The following FAT4 variants were observed in gnomAD, a reference collection of about 807,000 sequenced individuals.
The protein encoded by FAT4 is protocadherin Fat 4.
Under a neutral mutation model 303.9 loss-of-function variants are expected in FAT4, and 84 were observed. The ratio of observed to expected loss-of-function variants is 0.28; its 90% confidence interval spans 0.23 to 0.33. The LOEUF is 0.33. Ranked by LOEUF, FAT4 falls within the 10% of genes least tolerant of loss-of-function variation. FAT4 has a pLI of 1.00. For synonymous variants in FAT4, 2,307 were observed against 2,298.8 expected (o/e 1.00, Z -0.10); for missense variants, 6,005 against 6,146.8 (o/e 0.98, Z 0.77).
At position 125,378,583 on chromosome 4, in the gene FAT4, C is replaced by T. The variant is rs893395880; in HGVS notation, c.5176-20201C>T. ...ATCTCAAATTATATCCCAAAATGGA[C>T]AATTATTACTTGTACTATATTTTCT... On this transcript the variant is annotated intron_variant, in intron 2 of 17. Transcript: ENST00000394329. Among the ~76,000 whole-genome samples, 6 of 151,984 alleles carry T rather than the reference C, an allele frequency of 3.9e-5. No individual in the cohort carries two copies. In the South Asian group the frequency reaches 1.2e-3, roughly 32 times the overall value.
intron 17 of FAT4, among the ~76,000 whole-genome samples, chr4:125,488,625 G>A (rs1267633924): frequency 2.0e-5 from 3 of 152,210 alleles, no homozygotes; most frequent in Non-Finnish European, 2.9e-5. Flanking sequence ...AGGTCAGCAA[G>A]AGAGGAAACT....
chr4:125,479,569 G>C (rs1428892296), intron 14 of FAT4, among the ~76,000 whole-genome samples, 172 bp from the exon 15 acceptor site: 1 of 152,094 alleles, frequency 6.6e-6, no homozygotes, highest in African/African-American at 2.4e-5. Context: ...GGCAGACTAT[G>C]TTTTCTAGGA....
At position 125,319,997 on chromosome 4, in the gene FAT4, G is replaced by C; in HGVS notation, c.3586G>C (p.Val1196Leu). ...TCAGCCTCTCAAGGATCAGGCCACT[G>C]TACATGTTTACATGAAGGATATAAA... ...IPQPLKDQAT[V>L]HVYMKDINDN... is the part of the protein sequence containing the mutation. Residue 1196 changes from valine to leucine, a missense_variant, in exon 2 of 18, where the codon GTA (valine) becomes CTA (leucine). Transcript: ENST00000394329. 5 of 1,612,942 alleles carry C rather than the reference G, an allele frequency of 3.1e-6. No homozygotes were observed. The highest frequency in any genetic ancestry group is 4.2e-6 in the Non-Finnish European group (5 of 1,180,024).
At chr4:125,363,506 TA>T (rs1474848235) in intron 2 of FAT4, among the ~76,000 whole-genome samples, 10 of 151,940 alleles carry the variant, frequency 6.6e-5, no homozygotes, top group Non-Finnish European at 1.3e-4. Flanking sequence ...TTTATATATA[TA>T]TTTTTTTGAG....
At position 125,481,471 on chromosome 4, in the gene FAT4, G is replaced by A. The variant is rs13132168; in HGVS notation, c.12605-50G>A. 4.5e-6 allele frequency: 7 copies of A among 1,541,166 alleles called. No individual in the cohort carries two copies. The South Asian group carries it at 5.6e-5, about 12-fold the overall frequency. ...TTTGTCACTATAGAAAACACTCCAAGAAATGCCAAATGAATGCATTCATTT... is the reference window on the plus strand; with the variant it reads ...TTTGTCACTATAGAAAACACTCCAAAAAATGCCAAATGAATGCATTCATTT... On this transcript the variant is annotated intron_variant, in intron 15 of 17. Transcript: ENST00000394329.
At chr4:125,394,917 G>C (rs1240397936) in intron 2 of FAT4, among the ~76,000 whole-genome samples, 1 of 152,116 alleles carries the variant, frequency 6.6e-6, no homozygotes, top group African/African-American at 2.4e-5. Flanking sequence ...TTCTACAAGG[G>C]ATGCTGACTT....
At position 125,393,908 on chromosome 4, in the gene FAT4, A is replaced by T. The variant is rs28698823; in HGVS notation, c.5176-4876A>T. 9,778 of 779,188 alleles carry T rather than the reference A, an allele frequency of 0.013. 577 individuals carry two copies. In the African/African-American group the frequency reaches 0.13, roughly 10 times the overall value. The allele number at this position is 779,188 out of a possible 1,614,324, so 48.3% of individuals were successfully genotyped here. A position where few individuals can be genotyped will look rare whatever the true frequency, so the allele number is the denominator to read the frequency against. ...GCTCAGGGCTCAGGTGACTCAGTCAAGAAAGTCATTCTTGTGAAGCTACCT... is the reference window on the plus strand; with the variant it reads ...GCTCAGGGCTCAGGTGACTCAGTCATGAAAGTCATTCTTGTGAAGCTACCT... On this transcript the variant is annotated intron_variant, in intron 2 of 17. Transcript: ENST00000394329.
intron 2 of FAT4, among the ~76,000 whole-genome samples, chr4:125,349,816 T>C (rs1469277709): frequency 1.3e-5 from 2 of 151,692 alleles, no homozygotes; most frequent in African/African-American, 2.4e-5. Context: ...ATAACTGTTA[T>C]TATTTTTTAC....
intron 5 of FAT4, among the ~76,000 whole-genome samples, chr4:125,409,203 A>G (rs1734749175): frequency 6.6e-6 from 1 of 152,154 alleles, no homozygotes; most frequent in African/African-American, 2.4e-5. Flanking sequence ...TTAAGTAAAA[A>G]TACTTACGAA....
intron 2 of FAT4, among the ~76,000 whole-genome samples, chr4:125,378,518 A>T (rs1733420254): frequency 6.6e-6 from 1 of 152,142 alleles, no homozygotes; most frequent in South Asian, 2.1e-4. Context: ...ATGTGTTCTT[A>T]TCACAGATAA....
At chr4:125,409,635 A>G (rs979475534) in intron 5 of FAT4, among the ~76,000 whole-genome samples, 4 of 152,242 alleles carry the variant, frequency 2.6e-5, no homozygotes, top group Non-Finnish European at 5.9e-5. Flanking sequence ...TGATCAAGTT[A>G]AAATTTTGCA....
At chr4:125,355,424 G>A (rs1732388614) in intron 2 of FAT4, among the ~76,000 whole-genome samples, 1 of 151,924 alleles carries the variant, frequency 6.6e-6, no homozygotes, top group Admixed American at 6.6e-5. Flanking sequence ...TAGGTAAATG[G>A]AAAGAAAAAT....
At chr4:125,468,471 C>G (rs761252525) in intron 11 of FAT4, 41 bp from the exon 12 acceptor site, 101 of 1,324,008 alleles carry the variant, frequency 7.6e-5, no homozygotes, top group Non-Finnish European at 9.2e-5. Flanking sequence ...ATAAAATTTT[C>G]ATGAAATTTT....
intron 2 of FAT4, among the ~76,000 whole-genome samples, chr4:125,336,068 CA>C (rs1460920826): frequency 1.3e-5 from 2 of 152,034 alleles, no homozygotes; most frequent in East Asian, 1.9e-4. Flanking sequence ...ATTGTGATGA[CA>C]TTTTTAATGA....
At chr4:125,322,263 G>C (rs1253206246) in intron 2 of FAT4, among the ~76,000 whole-genome samples, 1 of 152,012 alleles carries the variant, frequency 6.6e-6, no homozygotes, top group African/African-American at 2.4e-5. Flanking sequence ...CAGAGACTAG[G>C]GATTGTTTCT....
intron 8 of FAT4, among the ~76,000 whole-genome samples, chr4:125,434,726 A>G (rs1189082866): frequency 1.3e-5 from 2 of 152,172 alleles, no homozygotes; most frequent in African/African-American, 2.4e-5. Flanking sequence ...GGCACTTCAC[A>G]GTATTTACAT....
chr4:125,398,114 T>C (rs1734250806), intron 2 of FAT4, among the ~76,000 whole-genome samples: 1 of 152,154 alleles, frequency 6.6e-6, no homozygotes, highest in African/African-American at 2.4e-5. Flanking sequence ...TTTTCTTAGG[T>C]GAGGAAGCAA....
intron 8 of FAT4, among the ~76,000 whole-genome samples, chr4:125,441,293 C>T (rs1412682105): frequency 6.6e-6 from 1 of 152,060 alleles, no homozygotes; most frequent in Non-Finnish European, 1.5e-5. Context: ...GCCAATGATC[C>T]TTCAATGATA....
rs118151070 is a variant in FAT4 at position 125,315,436 on chromosome 4, C to T, written c.-554C>T. Among the ~76,000 whole-genome samples the T allele has an allele frequency of 4.9e-3, 739 of 152,170 alleles. 30 individuals carry two copies. The South Asian group carries it at 0.073, about 15-fold the overall frequency. On this transcript the variant is annotated 5_prime_UTR_variant, in exon 1 of 18. Transcript: ENST00000394329. The stretch of plus-strand genomic sequence containing the variant: ...GCTAGAGTGGGCTTCTGACTGGGGC[C>T]GCCGGAGAACGACCCCCCCTGGCAT...
Sources: allele counts gnomAD v4.1 joint callset (sites outside exome capture counted in the v4.1 genomes callset), GRCh38; gene constraint gnomAD v4.1.1; transcripts MANE v1.5; gene names NCBI Gene and HGNC (gene_info 2026-07-23, HGNC 2026-07-21).